Variants in TLCD4 observed in about 807,000 individuals in gnomAD.
The protein encoded by TLCD4 is TLC domain-containing protein 4.
Under a neutral mutation model 24.2 loss-of-function variants are expected in TLCD4, and 7 were observed. That is an observed-to-expected ratio of 0.29 (90% confidence interval 0.16 to 0.54). The LOEUF is 0.54. TLCD4 is among the 20% of genes least tolerant of loss of function. TLCD4 has a pLI of 0.95. For missense variants in TLCD4, 259 were observed against 313.9 expected, an observed-to-expected ratio of 0.82 and a Z score of 1.32; for synonymous variants, 103 against 106.4, an observed-to-expected ratio of 0.97 and a Z score of 0.20.
intron 1 of TLCD4, among the ~76,000 whole-genome samples, chr1:95,140,268 GGTTT>G (rs1276399931): frequency 6.6e-6 from 1 of 152,152 alleles, no homozygotes; most frequent in African/African-American, 2.4e-5. Flanking sequence ...CAGTGCAGTA[GGTTT>G]ATTTACACCA....
chr1:95,174,033 A>G, intron 6 of TLCD4, 144 bp downstream of exon 6: 1 of 1,263,610 alleles, frequency 7.9e-7, no homozygotes, highest in East Asian at 2.5e-5. Context: ...ACAAATGAGG[A>G]AAGTGAGTTT....
chr1:95,171,058 C>T (rs201892424), intron 5 of TLCD4, among the ~76,000 whole-genome samples: 2,967 of 142,930 alleles, frequency 0.021, 53 homozygotes, highest in Non-Finnish European at 0.028. Context: ...CATCCCCCCC[C>T]TTTTTTTTAG....
At chr1:95,108,521 A>G in the TLCD4 span, among the ~76,000 whole-genome samples, 2 of 152,060 alleles carry the variant, frequency 1.3e-5, no homozygotes, top group Non-Finnish European at 2.9e-5. Context: ...AGGAGGTCTC[A>G]CTATGTTGCC....
intron 1 of TLCD4, among the ~76,000 whole-genome samples, chr1:95,137,210 A>T (rs1001690326): frequency 3.3e-5 from 5 of 152,162 alleles, no homozygotes; most frequent in African/African-American, 1.2e-4. Context: ...CTATTTTAAG[A>T]GGGAGAACTA....
chr1:95,181,342 T>G (rs1678633715), intron 6 of TLCD4, among the ~76,000 whole-genome samples: 1 of 152,198 alleles, frequency 6.6e-6, no homozygotes, highest in African/African-American at 2.4e-5. Context: ...TTGAAGCATA[T>G]GAAAAATATC....
upstream of TLCD4, among the ~76,000 whole-genome samples, chr1:95,115,102 A>G (rs1465837178): frequency 6.8e-6 from 1 of 147,842 alleles, no homozygotes; most frequent in Non-Finnish European, 1.5e-5. Context: ...ATATATATAT[A>G]TATAATATAT....
the TLCD4 span, among the ~76,000 whole-genome samples, chr1:95,109,108 G>A: frequency 1.3e-5 from 2 of 152,130 alleles, no homozygotes; most frequent in African/African-American, 4.8e-5. Context: ...TGGGCAGATA[G>A]CTTGAGCTTA....
At chr1:95,136,298 T>A (rs1677039889) in intron 1 of TLCD4, among the ~76,000 whole-genome samples, 1 of 152,220 alleles carries the variant, frequency 6.6e-6, no homozygotes. Context: ...TTCATTGATT[T>A]GTGTCACTTA....
chr1:95,141,152 C>A (rs1339739281), intron 1 of TLCD4, among the ~76,000 whole-genome samples: 1 of 152,114 alleles, frequency 6.6e-6, no homozygotes, highest in African/African-American at 2.4e-5. Context: ...ATCCCAAAGT[C>A]TTACCTGATA....
intron 5 of TLCD4, among the ~76,000 whole-genome samples, chr1:95,161,196 A>G (rs1434586335): frequency 6.6e-6 from 1 of 152,156 alleles, no homozygotes; most frequent in Non-Finnish European, 1.5e-5. Flanking sequence ...TTATTGGTCT[A>G]TTCAGGGATT....
intron 1 of TLCD4, among the ~76,000 whole-genome samples, chr1:95,135,778 C>G (rs896012957): frequency 6.6e-6 from 1 of 152,110 alleles, no homozygotes; most frequent in African/African-American, 2.4e-5. Context: ...TTCTGTCACC[C>G]AGGCTGGAAT....
chr1:95,106,394 T>C, the TLCD4 span, among the ~76,000 whole-genome samples: 3 of 152,160 alleles, frequency 2.0e-5, no homozygotes, highest in Non-Finnish European at 4.4e-5. Flanking sequence ...AAAACTAGAT[T>C]GTTTTCTTTT....
chr1:95,106,471 C>T, the TLCD4 span, among the ~76,000 whole-genome samples: 10 of 152,168 alleles, frequency 6.6e-5, no homozygotes, highest in African/African-American at 2.2e-4. Flanking sequence ...CAGGCCGAGG[C>T]GGGTGGATTG....
chr1:95,170,330 C>CTTTT (rs10664436), intron 5 of TLCD4, among the ~76,000 whole-genome samples: 8 of 126,614 alleles, frequency 6.3e-5, no homozygotes, highest in Non-Finnish European at 8.1e-5. Flanking sequence ...ACAAATCATT[C>CTTTT]TTTTTTTTTT....
chr1:95,138,105 T>C (rs189986913), intron 1 of TLCD4, among the ~76,000 whole-genome samples: 305 of 152,212 alleles, frequency 2.0e-3, no homozygotes, highest in African/African-American at 7.1e-3. Context: ...GTCCTCTTGG[T>C]TTACTTTTGG....
At chr1:95,128,749 T>C (rs139495062) in intron 1 of TLCD4, among the ~76,000 whole-genome samples, 1 of 152,300 alleles carries the variant, frequency 6.6e-6, no homozygotes, top group African/African-American at 2.4e-5. Flanking sequence ...CTAAGCAGAA[T>C]TGTATGTGTG....
At chr1:95,103,513 A>G in the TLCD4 span, among the ~76,000 whole-genome samples, 1 of 152,226 alleles carries the variant, frequency 6.6e-6, no homozygotes, top group Non-Finnish European at 1.5e-5. Context: ...AGAGAGATGA[A>G]GGAATAAGAA....
intron 1 of TLCD4, among the ~76,000 whole-genome samples, chr1:95,142,347 C>A (rs1004036652): frequency 2.1e-5 from 3 of 144,418 alleles, no homozygotes; most frequent in Non-Finnish European, 3.0e-5. Context: ...GCCTTTTGCT[C>A]CAAGAATGTG....
intron 1 of TLCD4, 22 bp downstream of exon 1, chr1:95,117,639 G>C (rs1420992129): frequency 6.6e-6 from 1 of 152,148 alleles, no homozygotes; most frequent in Non-Finnish European, 1.5e-5. Flanking sequence ...TGGAGGGGGG[G>C]TTGGGGAGGA....
Sources: gnomAD v4.1 joint callset for allele counts (sites outside exome capture counted in the v4.1 genomes callset) on GRCh38, gnomAD v4.1.1 for gene constraint, MANE v1.5 for transcripts, NCBI Gene and HGNC (gene_info 2026-07-23, HGNC 2026-07-21) for gene names.